TRIO: variants seen among roughly 807,000 people sequenced by gnomAD.
TRIO encodes the protein trio Rho guanine nucleotide exchange factor.
Under a neutral mutation model 351.9 loss-of-function variants are expected in TRIO, and 58 were observed. That is an observed-to-expected ratio of 0.16 (90% confidence interval 0.13 to 0.21). TRIO has a LOEUF of 0.21. TRIO is among the 10% of genes least tolerant of loss of function. The probability of loss-of-function intolerance (pLI) is 1.00; values close to 1 mark genes in which losing one functional copy is unlikely to be tolerated. For synonymous variants in TRIO, 1,758 were observed against 1,595.7 expected (o/e 1.10, Z -2.42); for missense variants, 3,201 against 4,027.8 (o/e 0.79, Z 5.56).
intron 11 of TRIO, among the ~76,000 whole-genome samples, chr5:14,357,210 A>AC (rs1743695410): frequency 6.6e-6 from 1 of 152,256 alleles, no homozygotes; most frequent in Admixed American, 6.5e-5. Context: ...CAGGCGTTGC[A>AC]CAGGGTATCA....
intron 1 of TRIO, among the ~76,000 whole-genome samples, chr5:14,233,134 T>A (rs1793553160): frequency 6.6e-6 from 1 of 152,010 alleles, no homozygotes; most frequent in Non-Finnish European, 1.5e-5. Context: ...TGAGGTCAGA[T>A]ACCTAGTTCA....
chr5:14,352,310 T>C (rs766049669), intron 11 of TRIO, among the ~76,000 whole-genome samples: 8 of 152,236 alleles, frequency 5.3e-5, no homozygotes, highest in Non-Finnish European at 1.0e-4. Context: ...CTGCCAGACC[T>C]GCTTCTGTTT....
At chr5:14,477,571 C>T (rs1755176332) in intron 41 of TRIO, among the ~76,000 whole-genome samples, 1 of 152,188 alleles carries the variant, frequency 6.6e-6, no homozygotes, top group African/African-American at 2.4e-5. Flanking sequence ...ATAGCCTTTT[C>T]AGATAATTAC....
chr5:14,502,739 C>A, intron 54 of TRIO, 82 bp downstream of exon 54: 2 of 1,355,450 alleles, frequency 1.5e-6, no homozygotes, highest in Non-Finnish European at 1.0e-6. Context: ...TAAAGCTAAG[C>A]AGTGTTATCT....
At position 14,508,855 on chromosome 5, in the gene TRIO, G is replaced by A. The variant is rs1222371765; in HGVS notation, c.*433G>A. 5.8e-6 allele frequency: 1 copy of A among 173,556 alleles called. No homozygotes were observed. The highest frequency in any genetic ancestry group is 1.7e-4 in the East Asian group (1 of 5,986). The allele number at this position is 173,556 out of a possible 1,614,324, so 10.8% of individuals were successfully genotyped here. A position where few individuals can be genotyped will look rare whatever the true frequency, so the allele number is the denominator to read the frequency against. ...AGGTGGCGGCCACTCCCATGGCCTT[G>A]TCTAGGACTCAGAGACCACTCGGCT... On this transcript the variant is annotated 3_prime_UTR_variant, in exon 57 of 57. Coordinates refer to ENST00000344204, the MANE Select transcript of TRIO (RefSeq NM_007118.4).
At chr5:14,476,454 A>G (rs1755081469) in intron 40 of TRIO, among the ~76,000 whole-genome samples, 1 of 152,200 alleles carries the variant, frequency 6.6e-6, no homozygotes, top group Non-Finnish European at 1.5e-5. Context: ...TGTTAAATAT[A>G]TACTTCACAC....
chr5:14,254,918 A>G (rs1416213564), intron 1 of TRIO, among the ~76,000 whole-genome samples: 1 of 152,196 alleles, frequency 6.6e-6, no homozygotes, highest in South Asian at 2.1e-4. Context: ...GGGAGGAACT[A>G]TTAGAGGAAT....
intron 34 of TRIO, 179 bp downstream of exon 34, chr5:14,420,200 G>A: frequency 2.2e-6 from 2 of 924,846 alleles, no homozygotes; most frequent in South Asian, 3.5e-5. Flanking sequence ...AGGAAATGAG[G>A]ATTTCACCCA....
At chr5:14,240,717 G>A (rs1794077328) in intron 1 of TRIO, among the ~76,000 whole-genome samples, 1 of 152,114 alleles carries the variant, frequency 6.6e-6, no homozygotes, top group African/African-American at 2.4e-5. Context: ...AGACAAGACG[G>A]ACTACTTACA....
At chr5:14,376,855 A>G (rs960016401) in intron 19 of TRIO, among the ~76,000 whole-genome samples, 6 of 152,218 alleles carry the variant, frequency 3.9e-5, no homozygotes, top group African/African-American at 1.4e-4. Flanking sequence ...ATAGAGGATC[A>G]TGATTACCTG....
At chr5:14,465,507 C>G in intron 36 of TRIO, 38 bp from the exon 37 acceptor site, 7 of 1,605,342 alleles carry the variant, frequency 4.4e-6, no homozygotes, top group Non-Finnish European at 6.0e-6. Flanking sequence ...AATGTGAGCC[C>G]TTGCCCCACC....
At chr5:14,176,847 A>T (rs1038057908) in intron 1 of TRIO, among the ~76,000 whole-genome samples, 2 of 152,230 alleles carry the variant, frequency 1.3e-5, no homozygotes, top group Non-Finnish European at 1.5e-5. Flanking sequence ...CAAAACATTT[A>T]ATTTTTCTTA....
chr5:14,213,461 G>A (rs2152197534), intron 1 of TRIO, among the ~76,000 whole-genome samples: 1 of 152,112 alleles, frequency 6.6e-6, no homozygotes, highest in Non-Finnish European at 1.5e-5. Flanking sequence ...TCACCAGTTA[G>A]ATACTAAGCT....
Position 14,496,800 on chromosome 5 carries a change from G to A in TRIO, c.7881-79G>A, listed in dbSNP as rs1021596263. ...TGCACACACATACGTTGAATATTCA[G>A]CTTTTCTTTAACGCTTCCAGGCAGC... On this transcript the variant is annotated intron_variant, in intron 49 of 56. Transcript: ENST00000344204. 17 of 1,561,400 alleles carry A rather than the reference G, an allele frequency of 1.1e-5. No individual in the cohort carries two copies. In the African/African-American group the frequency reaches 2.2e-4, roughly 20 times the overall value.
At chr5:14,450,525 A>T (rs1464920905) in intron 34 of TRIO, among the ~76,000 whole-genome samples, 2 of 152,160 alleles carry the variant, frequency 1.3e-5, no homozygotes, top group East Asian at 3.9e-4. Flanking sequence ...CCTCTGGTTG[A>T]ATCTTGGGAT....
intron 1 of TRIO, among the ~76,000 whole-genome samples, chr5:14,233,799 G>A (rs906011735): frequency 6.6e-6 from 1 of 152,080 alleles, no homozygotes; most frequent in Middle Eastern, 3.4e-3. Context: ...TGTGTGTTTT[G>A]TTTTTTGTTT....
intron 21 of TRIO, among the ~76,000 whole-genome samples, chr5:14,382,339 ACTC>A (rs1420612564): frequency 6.6e-6 from 1 of 151,842 alleles, no homozygotes; most frequent in East Asian, 1.9e-4. Context: ...ACTGTTACTG[ACTC>A]CTCCTGCTCT....
At chr5:14,308,317 C>T (rs1261278112) in intron 8 of TRIO, among the ~76,000 whole-genome samples, 1 of 151,678 alleles carries the variant, frequency 6.6e-6, no homozygotes, top group East Asian at 1.9e-4. Flanking sequence ...CCCAATCACC[C>T]AACCACCCAT....
intron 54 of TRIO, among the ~76,000 whole-genome samples, chr5:14,503,578 G>T (rs140416798): frequency 1.3e-5 from 2 of 152,262 alleles, no homozygotes; most frequent in African/African-American, 2.4e-5. Flanking sequence ...GCTCCCCCAC[G>T]TGAGGGCAGT....
Sources: gnomAD v4.1 joint callset for allele counts (sites outside exome capture counted in the v4.1 genomes callset) on GRCh38, gnomAD v4.1.1 for gene constraint, MANE v1.5 for transcripts, NCBI Gene and HGNC (gene_info 2026-07-23, HGNC 2026-07-21) for gene names.